SOS2: variants seen among roughly 807,000 people sequenced by gnomAD.
SOS2 encodes SOS Ras/Rho guanine nucleotide exchange factor 2.
A neutral mutation model predicts 148.2 loss-of-function variants in SOS2; 65 were observed. The ratio of observed to expected loss-of-function variants is 0.44; its 90% CI spans 0.36 to 0.54. The LOEUF is 0.54. Ranked by LOEUF, SOS2 falls within the 20% of genes least tolerant of loss-of-function variation. The probability of loss-of-function intolerance (pLI) is 0.00; values close to 1 mark genes in which losing one functional copy is unlikely to be tolerated. For synonymous variants in SOS2, 539 were observed against 537.1 expected, an observed-to-expected ratio of 1.00 and a Z score of -0.05; for missense variants, 1,341 against 1,590.2, an observed-to-expected ratio of 0.84 and a Z score of 2.67.
chr14:50,139,309 G>A (rs943599729), intron 17 of SOS2, among the ~76,000 whole-genome samples: 4 of 152,008 alleles, frequency 2.6e-5, no homozygotes, highest in African/African-American at 4.8e-5. Flanking sequence ...TTTTTCATGC[G>A]TAATTGCTGA....
chr14:50,122,542 T>C (rs1883551273), intron 21 of SOS2, among the ~76,000 whole-genome samples: 1 of 152,066 alleles, frequency 6.6e-6, no homozygotes, highest in African/African-American at 2.4e-5. Context: ...GTCTGAGTGT[T>C]TTCTTATTGA....
At chr14:50,122,992 C>T (rs1002807604) in intron 21 of SOS2, among the ~76,000 whole-genome samples, 1 of 152,084 alleles carries the variant, frequency 6.6e-6, no homozygotes, top group African/African-American at 2.4e-5. Flanking sequence ...CCTTATGGAA[C>T]TTATAATCTA....
At chr14:50,139,794 AAT>A in intron 17 of SOS2, 146 bp downstream of exon 17, 1 of 484,858 alleles carries the variant, frequency 2.1e-6, no homozygotes, top group Middle Eastern at 5.6e-4. Context: ...TTTTATAGAA[AAT>A]AGAGAGTTTT....
chr14:50,144,617 T>C (rs541591141), intron 16 of SOS2, among the ~76,000 whole-genome samples: 1 of 151,856 alleles, frequency 6.6e-6, no homozygotes, highest in African/African-American at 2.4e-5. Context: ...TTTGTATTTT[T>C]AGTAGAGATG....
rs1467506743 is a variant in SOS2 at position 50,201,235 on chromosome 14, C to T, written c.214-151G>A. ...TTCCTGTAATAAATAAATTTTTTGGCTTAAAAAAAAGGTCAGGCTGGGCGC... is the reference window on the plus strand; with the variant it reads ...TTCCTGTAATAAATAAATTTTTTGGTTTAAAAAAAAGGTCAGGCTGGGCGC... On this transcript the variant is annotated intron_variant, in intron 2 of 22. Coordinates refer to ENST00000216373, the MANE Select transcript of SOS2 (RefSeq NM_006939.4). 2.3e-5 allele frequency: 18 copies of T among 783,370 alleles called. 1 individual carries two copies. The South Asian group carries it at 3.4e-4, about 15-fold the overall frequency. The allele number at this position is 783,370 out of a possible 1,614,324, so 48.5% of individuals were successfully genotyped here. A position where few individuals can be genotyped will look rare whatever the true frequency, so the allele number is the denominator to read the frequency against.
At chr14:50,231,105 G>A (rs1243643677) in intron 1 of SOS2, 92 bp downstream of exon 1, 2 of 734,378 alleles carry the variant, frequency 2.7e-6, no homozygotes, top group South Asian at 5.3e-5. Flanking sequence ...CGGCCCCGGG[G>A]ACTCGAGCCC....
chr14:50,130,420 A>C, intron 20 of SOS2, 81 bp downstream of exon 20: 1 of 1,180,866 alleles, frequency 8.5e-7, no homozygotes, highest in Admixed American at 2.3e-5. Context: ...AAAGGATTCT[A>C]TAGTTCCCTA....
intron 4 of SOS2, among the ~76,000 whole-genome samples, chr14:50,190,242 A>C (rs1428615205): frequency 6.6e-6 from 1 of 152,152 alleles, no homozygotes; most frequent in Non-Finnish European, 1.5e-5. Flanking sequence ...ACCGAAACGT[A>C]CCCAGAGAGT....
chr14:50,189,747 C>G (rs79171528), intron 4 of SOS2, among the ~76,000 whole-genome samples: 2,273 of 152,272 alleles, frequency 0.015, 23 homozygotes, highest in Middle Eastern at 0.024. Flanking sequence ...TTGTAGCAAC[C>G]ACTTCTTCTT....
chr14:50,178,694 A>C (rs1276139207), intron 7 of SOS2, among the ~76,000 whole-genome samples: 1 of 36,106 alleles, frequency 2.8e-5, no homozygotes, highest in Non-Finnish European at 5.2e-5. Context: ...ATATATATAT[A>C]TATATATATA....
intron 17 of SOS2, 103 bp downstream of exon 17, chr14:50,139,839 A>T (rs1014677524): frequency 3.6e-6 from 2 of 562,956 alleles, no homozygotes; most frequent in Non-Finnish European, 6.5e-6. Flanking sequence ...TAATAAAAGT[A>T]GATGAGCTCA....
At chr14:50,184,275 A>G (rs1419330271) in intron 5 of SOS2, among the ~76,000 whole-genome samples, 1 of 152,194 alleles carries the variant, frequency 6.6e-6, no homozygotes, top group African/African-American at 2.4e-5. Flanking sequence ...TCACTCTGGC[A>G]TCTTATAATG....
chr14:50,221,858 T>C (rs987719226), intron 1 of SOS2, among the ~76,000 whole-genome samples: 3 of 151,980 alleles, frequency 2.0e-5, no homozygotes, highest in African/African-American at 7.3e-5. Flanking sequence ...AATAATTCAG[T>C]TCAAAAGACA....
In SOS2 at chr14:50,215,456, T is replaced by A. The variant is rs377684001; in HGVS notation, c.88-11047A>T. ...TTCTACAGAGACAGTAAACATAAAA[T>A]TACCACGACAGAACCAATTTGCCTA... On this transcript the variant is annotated intron_variant, in intron 1 of 22. Transcript: ENST00000216373. 29 of 1,260,458 alleles carry A rather than the reference T, an allele frequency of 2.3e-5. No individual in the cohort carries two copies. The East Asian group carries it at 9.4e-4, about 41-fold the overall frequency. 78.1% of individuals were successfully genotyped at this position (1,260,458 alleles called of 1,614,324 possible).
chr14:50,200,865 C>T (rs994060893), intron 3 of SOS2, 88 bp downstream of exon 3: 33 of 1,250,468 alleles, frequency 2.6e-5, no homozygotes, highest in Non-Finnish European at 3.4e-5. Flanking sequence ...TAACACAGAC[C>T]ATGCTACATT....
chr14:50,177,105 C>T (rs545374461), intron 7 of SOS2, among the ~76,000 whole-genome samples: 96 of 152,064 alleles, frequency 6.3e-4, no homozygotes, highest in African/African-American at 2.2e-3. Flanking sequence ...GGTATGGTGC[C>T]TCATGGTCAA....
intron 8 of SOS2, among the ~76,000 whole-genome samples, chr14:50,166,910 T>C (rs915716694): frequency 3.9e-5 from 6 of 152,260 alleles, no homozygotes; most frequent in African/African-American, 1.4e-4. Flanking sequence ...ATTAAATCCA[T>C]TAAAACCTAT....
At chr14:50,169,570 G>C (rs1261668348) in intron 8 of SOS2, among the ~76,000 whole-genome samples, 2 of 151,858 alleles carry the variant, frequency 1.3e-5, no homozygotes, top group Non-Finnish European at 1.5e-5. Context: ...AACCTGGGAG[G>C]CAGAGGTTGC....
At chr14:50,135,089 A>AAAAAAAAG (rs1555368583) in intron 18 of SOS2, among the ~76,000 whole-genome samples, 5 of 131,534 alleles carry the variant, frequency 3.8e-5, no homozygotes, top group African/African-American at 5.9e-5. Context: ...AAAAAAAAAA[A>AAAAAAAAG]AAAGAAAGAA....
Sources: allele counts gnomAD v4.1 joint callset (sites outside exome capture counted in the v4.1 genomes callset), GRCh38; gene constraint gnomAD v4.1.1; transcripts MANE v1.5; gene names NCBI Gene and HGNC (gene_info 2026-07-23, HGNC 2026-07-21).